The following CDYL variants were observed in gnomAD, a reference collection of about 807,000 sequenced individuals.
CDYL encodes chromodomain Y like.
A neutral mutation model predicts 47.3 loss-of-function variants in CDYL; 8 were observed. The ratio of observed to expected loss-of-function variants is 0.17; its 90% confidence interval spans 0.10 to 0.31. CDYL has a LOEUF of 0.31. CDYL is among the 10% of genes least tolerant of loss of function. The probability of loss-of-function intolerance (pLI) is 1.00; values close to 1 mark genes in which losing one functional copy is unlikely to be tolerated. For synonymous variants in CDYL, 266 were observed against 265.0 expected (o/e 1.00, Z -0.04); for missense variants, 471 against 701.4 (o/e 0.67, Z 3.71).
intron 1 of CDYL, among the ~76,000 whole-genome samples, chr6:4,858,839 A>T (rs1761085958): frequency 6.6e-6 from 1 of 152,214 alleles, no homozygotes. Context: ...GAAAAAGGGG[A>T]AGACAGAAAT....
chr6:4,839,993 G>A (rs1760440523), intron 1 of CDYL, among the ~76,000 whole-genome samples: 1 of 152,038 alleles, frequency 6.6e-6, no homozygotes, highest in African/African-American at 2.4e-5. Context: ...CATTGAATTT[G>A]TAGATTGTTT....
chr6:4,800,187 T>C (rs1000354049), intron 1 of CDYL, among the ~76,000 whole-genome samples: 3 of 152,138 alleles, frequency 2.0e-5, no homozygotes, highest in Non-Finnish European at 4.4e-5. Flanking sequence ...GTCTATCATT[T>C]TTTGCTTTTC....
chr6:4,911,350 G>T (rs1757409176), intron 2 of CDYL, among the ~76,000 whole-genome samples: 1 of 152,250 alleles, frequency 6.6e-6, no homozygotes, highest in Admixed American at 6.5e-5. Context: ...GTGTGCTGAT[G>T]AGTCAGATCC....
intron 3 of CDYL, among the ~76,000 whole-genome samples, chr6:4,936,795 A>G (rs1758205772): frequency 2.0e-5 from 3 of 152,208 alleles, no homozygotes; most frequent in Non-Finnish European, 4.4e-5. Flanking sequence ...AGAAATGCCC[A>G]GTGATATAAT....
intron 1 of CDYL, among the ~76,000 whole-genome samples, chr6:4,854,682 A>G (rs1188284083): frequency 1.3e-5 from 2 of 152,218 alleles, no homozygotes; most frequent in Non-Finnish European, 2.9e-5. Context: ...CGTTGAGGGC[A>G]CACACACCTA....
At chr6:4,722,236 G>T (rs931615367) in intron 2 of CDYL, among the ~76,000 whole-genome samples, 2 of 151,426 alleles carry the variant, frequency 1.3e-5, no homozygotes, top group East Asian at 2.0e-4. Flanking sequence ...GAGGCCAATG[G>T]GGGGAGGAAC....
rs1005124751 is a variant in CDYL at position 4,776,649 on chromosome 6, C to G, written c.-135C>G. On this transcript the variant is annotated 5_prime_UTR_variant, in exon 1 of 7. Coordinates refer to ENST00000397588, the MANE Select transcript of CDYL (RefSeq NM_004824.4). Reference sequence around the variant, plus strand: ...GGCCGCGGAGTGCAAGAGGCTCGTCCGTGCCCAGCGCCCGGCCGGCCGCGG... The same window carrying G: ...GGCCGCGGAGTGCAAGAGGCTCGTCGGTGCCCAGCGCCCGGCCGGCCGCGG... 2.8e-5 allele frequency: 20 copies of G among 715,950 alleles called. No individual in the cohort carries two copies. Among genetic ancestry groups the G allele is most frequent in the Admixed American group, 8.9e-5 (2 of 22,554 alleles). 44.3% of individuals were successfully genotyped at this position (715,950 alleles called of 1,614,324 possible). A position where few individuals can be genotyped will look rare whatever the true frequency, so the allele number is the denominator to read the frequency against.
At chr6:4,740,797 T>C (rs1757783377) in intron 3 of CDYL, among the ~76,000 whole-genome samples, 1 of 151,890 alleles carries the variant, frequency 6.6e-6, no homozygotes, top group South Asian at 2.1e-4. Flanking sequence ...ATCTTTTTTT[T>C]TTTTTTTGAG....
In CDYL at chr6:4,945,748, C is replaced by T. The variant is rs568846352; in HGVS notation, c.1332+1992C>T. Reference sequence around the variant, plus strand: ...CAAACTGGCACCTCTCAGGCCGTGCCGACGCCCTACCAGGCTGGCGGCTGT... The same window carrying T: ...CAAACTGGCACCTCTCAGGCCGTGCTGACGCCCTACCAGGCTGGCGGCTGT... On this transcript the variant is annotated intron_variant, in intron 5 of 6. Transcript: ENST00000397588. Among the ~76,000 whole-genome samples, 8 of 152,358 alleles carry T rather than the reference C, an allele frequency of 5.3e-5. No homozygotes were observed. The East Asian group carries it at 7.7e-4, about 15-fold the overall frequency.
intron 5 of CDYL, among the ~76,000 whole-genome samples, chr6:4,945,616 G>A (rs60237396): frequency 0.01 from 1,548 of 152,334 alleles, 36 homozygotes; most frequent in African/African-American, 0.034. Flanking sequence ...AAGCAGCACC[G>A]GCCTGCATCC....
intron 1 of CDYL, among the ~76,000 whole-genome samples, chr6:4,780,829 C>T (rs1758599089): frequency 6.6e-6 from 1 of 152,206 alleles, no homozygotes; most frequent in South Asian, 2.1e-4. Context: ...CTGATTATAT[C>T]ACCAGAGAAA....
Position 4,834,719 on chromosome 6 carries a change from C to T in CDYL, c.25-56994C>T, listed in dbSNP as rs550125065. Among the ~76,000 whole-genome samples the T allele has an allele frequency of 1.3e-3, 197 of 152,290 alleles. 1 individual carries two copies. The highest frequency in any genetic ancestry group is 4.3e-3 in the African/African-American group (179 of 41,556). ...GTCACTTTCAGGTACACCAGTCAGA[C>T]GTAGATTTGGTCTTTTCACATAGTC... is the stretch of plus-strand genomic sequence containing the variant. On this transcript the variant is annotated intron_variant, in intron 1 of 6. Transcript: ENST00000397588.
intron 2 of CDYL, among the ~76,000 whole-genome samples, chr6:4,722,686 G>C (rs1757394103): frequency 6.6e-6 from 1 of 152,168 alleles, no homozygotes; most frequent in Non-Finnish European, 1.5e-5. Flanking sequence ...AGACCAGCCT[G>C]ACCAACGTGG....
intron 1 of CDYL, among the ~76,000 whole-genome samples, chr6:4,793,969 C>T (rs551111161): frequency 1.2e-4 from 18 of 151,898 alleles, no homozygotes; most frequent in Admixed American, 7.2e-4. Context: ...TTAGATGTGT[C>T]GAGTTTGAGA....
chr6:4,943,178 C>T (rs942511683), intron 4 of CDYL, among the ~76,000 whole-genome samples: 8 of 152,158 alleles, frequency 5.3e-5, no homozygotes, highest in African/African-American at 1.7e-4. Flanking sequence ...TTGTGAAGCC[C>T]AGAATATGTA....
intron 2 of CDYL, among the ~76,000 whole-genome samples, chr6:4,719,747 A>G (rs974131693): frequency 1.3e-5 from 2 of 152,174 alleles, no homozygotes; most frequent in African/African-American, 2.4e-5. Flanking sequence ...CTGCCCACCT[A>G]TAATGAGAGA....
chr6:4,916,376 G>T (rs1180171466), intron 2 of CDYL, among the ~76,000 whole-genome samples: 2 of 152,270 alleles, frequency 1.3e-5, no homozygotes, highest in South Asian at 4.2e-4. Flanking sequence ...AAATTTCAAG[G>T]ATAGTCTTTA....
chr6:4,775,177 G>A (rs991515540), upstream of CDYL: 3 of 153,052 alleles, frequency 2.0e-5, no homozygotes, highest in African/African-American at 7.2e-5. This position sits in a 1 kb window ranked among gnomAD's most constrained non-coding sequence, Gnocchi z 7.0. Context: ...TGCCCGGGGA[G>A]ACATGGAGGA....
At position 4,953,884 on chromosome 6, in the gene CDYL, G is replaced by A. The variant is rs1758787628; in HGVS notation, c.1477-14G>A. On this transcript the variant is annotated splice_polypyrimidine_tract_variant and intron_variant, in intron 6 of 6. Coordinates refer to ENST00000397588, the MANE Select transcript of CDYL (RefSeq NM_004824.4). ...CATGCACCCTGCTAACTGGCTGCTT[G>A]TTTTCCGGTGCAGGTGCTTGAGGAA... The A allele has an allele frequency of 1.2e-6, 2 of 1,609,054 alleles. No individual in the cohort carries two copies. The highest frequency in any genetic ancestry group is 2.2e-5 in the East Asian group (1 of 44,822).
Sources: allele counts gnomAD v4.1 joint callset (sites outside exome capture counted in the v4.1 genomes callset), GRCh38; gene constraint gnomAD v4.1.1; non-coding constraint Gnocchi (gnomAD v3.1); transcripts MANE v1.5; gene names NCBI Gene and HGNC (gene_info 2026-07-23, HGNC 2026-07-21).